ADAMTS12: variants seen among roughly 807,000 people sequenced by gnomAD.
The protein encoded by ADAMTS12 is A disintegrin and metalloproteinase with thrombospondin motifs 12.
ADAMTS12 carries 118 observed loss-of-function variants against 167.8 expected under a neutral mutation model. That is an observed-to-expected ratio of 0.70 (90% CI 0.61 to 0.82). ADAMTS12 has a LOEUF of 0.82. ADAMTS12 is among the 40% of genes least tolerant of loss of function. The pLI, the probability that ADAMTS12 is intolerant of heterozygous loss-of-function variation, is 0.00. For missense variants in ADAMTS12, 1,916 were observed against 1,998.8 expected (o/e 0.96, Z 0.79); for synonymous variants, 704 against 716.9 (o/e 0.98, Z 0.29).
intron 2 of ADAMTS12, among the ~76,000 whole-genome samples, chr5:33,855,047 G>A (rs1749351024): frequency 6.6e-6 from 1 of 152,204 alleles, no homozygotes; most frequent in African/African-American, 2.4e-5. Flanking sequence ...CACTGGGCAA[G>A]TTTTCCCACA....
intron 3 of ADAMTS12, among the ~76,000 whole-genome samples, chr5:33,741,195 A>G (rs1744564334): frequency 6.6e-6 from 1 of 152,220 alleles, no homozygotes; most frequent in Non-Finnish European, 1.5e-5. Flanking sequence ...TGCTGTGTTC[A>G]TCTGCTAGGG....
chr5:33,626,747 G>A (rs1739653023), intron 13 of ADAMTS12, among the ~76,000 whole-genome samples: 1 of 150,486 alleles, frequency 6.6e-6, no homozygotes, highest in Admixed American at 6.6e-5. Context: ...GGTGGTGGTG[G>A]TGGTGATGTG....
intron 2 of ADAMTS12, among the ~76,000 whole-genome samples, chr5:33,761,803 A>T (rs1745365677): frequency 1.3e-5 from 2 of 152,210 alleles, no homozygotes; most frequent in Non-Finnish European, 2.9e-5. Context: ...GGGCAATAAA[A>T]ATCTTCCTAC....
At chr5:33,676,869 A>G (rs1411606157) in intron 5 of ADAMTS12, among the ~76,000 whole-genome samples, 1 of 152,128 alleles carries the variant, frequency 6.6e-6, no homozygotes, top group East Asian at 1.9e-4. Flanking sequence ...TAGAGTTTCC[A>G]AAAAAGAGTA....
intron 3 of ADAMTS12, among the ~76,000 whole-genome samples, chr5:33,727,833 G>A (rs540008895): frequency 3.3e-5 from 5 of 152,128 alleles, no homozygotes; most frequent in South Asian, 4.2e-4. Flanking sequence ...GGTATTTATC[G>A]GTTTGCCTGT....
At chr5:33,583,203 T>C (rs1209582688) in intron 18 of ADAMTS12, among the ~76,000 whole-genome samples, 1 of 152,186 alleles carries the variant, frequency 6.6e-6, no homozygotes, top group African/African-American at 2.4e-5. Flanking sequence ...AGTTCAATTG[T>C]TTTGATTTTT....
At chr5:33,573,456 AC>A (rs1448909549) in intron 19 of ADAMTS12, among the ~76,000 whole-genome samples, 2 of 152,204 alleles carry the variant, frequency 1.3e-5, no homozygotes, top group African/African-American at 4.8e-5. Flanking sequence ...CGTATCTACA[AC>A]TATCTGATCT....
intron 9 of ADAMTS12, 40 bp from the exon 10 acceptor site, chr5:33,643,510 T>A: frequency 6.3e-7 from 1 of 1,584,950 alleles, no homozygotes. Context: ...TTTCAAAACC[T>A]GCCACAAAGC....
intron 12 of ADAMTS12, among the ~76,000 whole-genome samples, chr5:33,633,108 T>C (rs72739439): frequency 0.046 from 6,952 of 151,160 alleles, 220 homozygotes; most frequent in Middle Eastern, 0.068. Flanking sequence ...AGGAATACAT[T>C]AAATGCAGTG....
rs547719801 is a variant in ADAMTS12 at position 33,717,776 on chromosome 5, G to A, written c.634+33628C>T. Among the ~76,000 whole-genome samples, 13 of 152,260 alleles carry A rather than the reference G, an allele frequency of 8.5e-5. No homozygotes were observed. The East Asian group carries it at 2.1e-3, about 25-fold the overall frequency. On this transcript the variant is annotated intron_variant, in intron 3 of 23. Coordinates refer to ENST00000504830, the MANE Select transcript of ADAMTS12 (RefSeq NM_030955.4). ...CTATGATAAGCCCAAGCCCATAAAT[G>A]ATGAACAATAACTGATGAATATATT...
intron 5 of ADAMTS12, among the ~76,000 whole-genome samples, chr5:33,678,399 A>G (rs1350928126): frequency 6.6e-6 from 1 of 152,236 alleles, no homozygotes; most frequent in Non-Finnish European, 1.5e-5. Context: ...TTACATACTA[A>G]TTGAGGAAAC....
At chr5:33,820,570 G>A (rs1005356664) in intron 2 of ADAMTS12, among the ~76,000 whole-genome samples, 3 of 152,140 alleles carry the variant, frequency 2.0e-5, no homozygotes, top group African/African-American at 7.2e-5. Flanking sequence ...TTTTGACTGA[G>A]AGAAGAAATT....
chr5:33,889,168 G>A (rs1052290883), intron 1 of ADAMTS12, among the ~76,000 whole-genome samples: 2 of 152,110 alleles, frequency 1.3e-5, no homozygotes, highest in Non-Finnish European at 2.9e-5. Context: ...AAAAATGGGG[G>A]CGAGGCATGA....
chr5:33,847,104 T>C (rs1269288871), intron 2 of ADAMTS12, among the ~76,000 whole-genome samples: 1 of 152,210 alleles, frequency 6.6e-6, no homozygotes, highest in Non-Finnish European at 1.5e-5. Flanking sequence ...AACTCCCAAG[T>C]TGGCCTGTGA....
intron 2 of ADAMTS12, among the ~76,000 whole-genome samples, chr5:33,877,058 T>C (rs1465337291): frequency 6.6e-6 from 1 of 152,176 alleles, no homozygotes; most frequent in Non-Finnish European, 1.5e-5. Flanking sequence ...GGAGAGTGGA[T>C]GGAAGTTAAA....
intron 21 of ADAMTS12, 120 bp downstream of exon 21, chr5:33,549,087 G>A (rs1256570632): frequency 1.0e-5 from 13 of 1,286,044 alleles, no homozygotes; most frequent in Non-Finnish European, 1.4e-5. Flanking sequence ...ACTGAACAGA[G>A]GCCAGTCATT....
At chr5:33,776,071 G>T (rs898368507) in intron 2 of ADAMTS12, among the ~76,000 whole-genome samples, 2 of 152,122 alleles carry the variant, frequency 1.3e-5, no homozygotes, top group African/African-American at 4.8e-5. Flanking sequence ...CTCAGTATAT[G>T]AAACAAATAT....
At chr5:33,619,228 C>A (rs191784486) in intron 14 of ADAMTS12, among the ~76,000 whole-genome samples, 1 of 152,292 alleles carries the variant, frequency 6.6e-6, no homozygotes, top group Non-Finnish European at 1.5e-5. Context: ...CTTGTACAAC[C>A]AAAAGACTGG....
At chr5:33,845,102 A>G (rs1748895510) in intron 2 of ADAMTS12, among the ~76,000 whole-genome samples, 2 of 152,252 alleles carry the variant, frequency 1.3e-5, no homozygotes, top group South Asian at 4.1e-4. Context: ...ATATAGATAC[A>G]CTAATAACTA....
Sources: gnomAD v4.1 joint callset for allele counts (sites outside exome capture counted in the v4.1 genomes callset) on GRCh38, gnomAD v4.1.1 for gene constraint, MANE v1.5 for transcripts, NCBI Gene and HGNC (gene_info 2026-07-23, HGNC 2026-07-21) for gene names.